Variants in CACNA2D3 observed in about 807,000 individuals in gnomAD.
CACNA2D3 encodes the protein voltage-dependent calcium channel subunit alpha-2/delta-3.
In CACNA2D3, 60 loss-of-function variants were observed where a neutral mutation model predicts 160.6. The ratio of observed to expected loss-of-function variants is 0.37; its 90% CI spans 0.30 to 0.46. The LOEUF (loss-of-function observed/expected upper bound fraction) is 0.46, where lower values mean the gene tolerates loss of function less well. Ranked by LOEUF, CACNA2D3 falls within the 20% of genes least tolerant of loss-of-function variation. The probability of loss-of-function intolerance (pLI) is 1.00; values close to 1 mark genes in which losing one functional copy is unlikely to be tolerated. For synonymous variants in CACNA2D3, 558 were observed against 492.9 expected, an observed-to-expected ratio of 1.13 and a Z score of -1.75; for missense variants, 1,205 against 1,365.0, an observed-to-expected ratio of 0.88 and a Z score of 1.85.
chr3:54,628,430 G>C (rs1699168926), intron 10 of CACNA2D3, among the ~76,000 whole-genome samples: 1 of 152,158 alleles, frequency 6.6e-6, no homozygotes, highest in Admixed American at 6.5e-5. Flanking sequence ...GAGCCAAATT[G>C]AGTAGCGTCA....
At chr3:54,299,506 G>C (rs1703425218) in intron 2 of CACNA2D3, among the ~76,000 whole-genome samples, 1 of 152,148 alleles carries the variant, frequency 6.6e-6, no homozygotes, top group Admixed American at 6.5e-5. Context: ...ACCTTTTGTA[G>C]CCCATCACTT....
At chr3:54,848,083 C>T (rs545905757) in intron 17 of CACNA2D3, among the ~76,000 whole-genome samples, 8 of 152,254 alleles carry the variant, frequency 5.3e-5, no homozygotes, top group African/African-American at 1.4e-4. Flanking sequence ...ATTAGCTGCC[C>T]GCCACACAGT....
chr3:54,993,946 T>G (rs1263351028), intron 31 of CACNA2D3, among the ~76,000 whole-genome samples: 2 of 147,544 alleles, frequency 1.4e-5, no homozygotes, highest in African/African-American at 5.0e-5. Context: ...TGGTTTTGCG[T>G]GGTTTTTGTT....
At chr3:54,902,293 T>G (rs1369864503) in intron 27 of CACNA2D3, among the ~76,000 whole-genome samples, 1 of 152,234 alleles carries the variant, frequency 6.6e-6, no homozygotes, top group African/African-American at 2.4e-5. Context: ...GAGGTTTTTT[T>G]GTTTCATTTT....
chr3:54,478,305 A>G (rs554819610), intron 4 of CACNA2D3, among the ~76,000 whole-genome samples: 18 of 152,176 alleles, frequency 1.2e-4, no homozygotes, highest in Admixed American at 1.2e-3. Flanking sequence ...TGGTCTGAAA[A>G]TATTACATGG....
rs76809219 is a variant in CACNA2D3 at position 54,149,079 on chromosome 3, G to A, written c.204+25485G>A. The stretch of plus-strand genomic sequence containing the variant: ...GGAGCGAGACAGTCCAGTGGTGAAG[G>A]TTTTATGCCACGACAGTGAGAACTG... On this transcript the variant is annotated intron_variant, in intron 2 of 37. Transcript: ENST00000474759. Among the ~76,000 whole-genome samples, 814 of 152,114 alleles carry A rather than the reference G, an allele frequency of 5.4e-3. 12 individuals are homozygous for A. The highest frequency in any genetic ancestry group is 0.019 in the African/African-American group (790 of 41,468).
chr3:55,070,377 A>G (rs543366272), intron 35 of CACNA2D3, among the ~76,000 whole-genome samples: 111 of 152,220 alleles, frequency 7.3e-4, no homozygotes, highest in Non-Finnish European at 1.4e-3. Context: ...GAGTTGTGCT[A>G]TAAGGAAAAA....
At chr3:54,696,962 G>A (rs1396340823) in intron 11 of CACNA2D3, among the ~76,000 whole-genome samples, 1 of 152,028 alleles carries the variant, frequency 6.6e-6, no homozygotes, top group Non-Finnish European at 1.5e-5. Context: ...TAGCTTTAGT[G>A]CTCTGGAGCT....
intron 1 of CACNA2D3, 70 bp downstream of exon 1, chr3:54,122,905 G>T: frequency 8.5e-7 from 1 of 1,180,860 alleles, no homozygotes; most frequent in Non-Finnish European, 1.1e-6. Flanking sequence ...CCCAAGTTTG[G>T]GCGCCTGCAG....
rs1490680790 is a variant in CACNA2D3 at position 54,945,067 on chromosome 3, T to G, written c.2450-23383T>G. ...AGATGACAGTAATTCTAGGCCTTGT[T>G]TGGGGGCTATAAGCTTGTTTGTCAG... On this transcript the variant is annotated intron_variant, in intron 27 of 37. Coordinates refer to ENST00000474759, the MANE Select transcript of CACNA2D3 (RefSeq NM_018398.3). Among the ~76,000 whole-genome samples the G allele has an allele frequency of 1.3e-5, 2 of 152,128 alleles. 1 individual carries two copies. The highest frequency in any genetic ancestry group is 2.9e-5 in the Non-Finnish European group (2 of 68,026).
At chr3:55,066,339 G>A (rs1704635775) in intron 35 of CACNA2D3, among the ~76,000 whole-genome samples, 1 of 152,136 alleles carries the variant, frequency 6.6e-6, no homozygotes, top group Non-Finnish European at 1.5e-5. Flanking sequence ...TCTATAAAGG[G>A]TGAAATACCT....
chr3:54,495,461 C>G (rs982051829), intron 4 of CACNA2D3, among the ~76,000 whole-genome samples: 6 of 152,006 alleles, frequency 3.9e-5, no homozygotes, highest in African/African-American at 1.4e-4. Flanking sequence ...CAAGATAGGG[C>G]AATTTGGCCA....
At chr3:54,942,710 G>A (rs1457390317) in intron 27 of CACNA2D3, among the ~76,000 whole-genome samples, 3 of 151,596 alleles carry the variant, frequency 2.0e-5, no homozygotes, top group Non-Finnish European at 2.9e-5. Flanking sequence ...GCAACATAGC[G>A]AGGCTCCATC....
chr3:54,451,832 C>T lies in CACNA2D3; in HGVS notation c.382-51660C>T, dbSNP rs749162556. On this transcript the variant is annotated intron_variant, in intron 4 of 37. Coordinates refer to ENST00000474759, the MANE Select transcript of CACNA2D3 (RefSeq NM_018398.3). Reference sequence around the variant, plus strand: ...ATCACTTATAAGTTCTGCTTTCTACCCAGTGGTAGAAGATAACTCAGCCAA... The same window carrying T: ...ATCACTTATAAGTTCTGCTTTCTACTCAGTGGTAGAAGATAACTCAGCCAA... 6.0e-4 allele frequency among the ~76,000 whole-genome samples: 91 copies of T among 152,092 alleles called. 1 individual carries two copies. The highest frequency in any genetic ancestry group is 1.1e-3 in the Non-Finnish European group (73 of 68,006).
At chr3:54,507,365 C>A (rs1701387679) in intron 5 of CACNA2D3, among the ~76,000 whole-genome samples, 1 of 152,100 alleles carries the variant, frequency 6.6e-6, no homozygotes, top group Admixed American at 6.5e-5. Context: ...TTGTTTATTC[C>A]TCTGCTCTAG....
At chr3:54,687,280 A>G (rs1181520985) in intron 11 of CACNA2D3, among the ~76,000 whole-genome samples, 1 of 149,578 alleles carries the variant, frequency 6.7e-6, no homozygotes, top group Non-Finnish European at 1.5e-5. Context: ...AGCTGGGATT[A>G]CAGGCACTCA....
chr3:54,600,082 A>C (rs1371152858), intron 9 of CACNA2D3, among the ~76,000 whole-genome samples: 1 of 152,134 alleles, frequency 6.6e-6, no homozygotes, highest in Non-Finnish European at 1.5e-5. Context: ...GGCATTTCCC[A>C]GGAAGGAGCT....
intron 11 of CACNA2D3, among the ~76,000 whole-genome samples, chr3:54,666,805 G>A (rs1700075691): frequency 6.6e-6 from 1 of 152,202 alleles, no homozygotes; most frequent in South Asian, 2.1e-4. Context: ...GGATTACCTG[G>A]TAGTACGAGG....
At chr3:54,537,423 A>G (rs1042975425) in intron 5 of CACNA2D3, among the ~76,000 whole-genome samples, 8 of 152,182 alleles carry the variant, frequency 5.3e-5, no homozygotes, top group African/African-American at 1.7e-4. Context: ...TGGGGGTGTA[A>G]TAGCACTCCC....
Sources: gnomAD v4.1 joint callset for allele counts (sites outside exome capture counted in the v4.1 genomes callset) on GRCh38, gnomAD v4.1.1 for gene constraint, MANE v1.5 for transcripts, NCBI Gene and HGNC (gene_info 2026-07-23, HGNC 2026-07-21) for gene names.